Variants in DNTTIP1 observed in about 807,000 individuals in gnomAD.
DNTTIP1 encodes the protein deoxynucleotidyltransferase terminal interacting protein 1.
DNTTIP1 carries 22 observed loss-of-function variants against 52.9 expected under a neutral mutation model. That is an observed-to-expected ratio of 0.42 (90% CI 0.30 to 0.59). The LOEUF is 0.59. Ranked by LOEUF, DNTTIP1 falls within the 20% of genes least tolerant of loss-of-function variation. DNTTIP1 has a pLI of 0.22. For synonymous variants in DNTTIP1, 136 were observed against 155.1 expected (o/e 0.88, Z 0.92); for missense variants, 286 against 435.5 (o/e 0.66, Z 3.06).
intron 10 of DNTTIP1, among the ~76,000 whole-genome samples, chr20:45,806,865 T>G (rs1162451936): frequency 6.6e-6 from 1 of 152,198 alleles, no homozygotes; most frequent in Non-Finnish European, 1.5e-5. Context: ...TTCTTTAAGA[T>G]CCACCTCCTC....
rs1045017491 is a variant in DNTTIP1 at position 45,809,791 on chromosome 20, A to G, written c.795+606A>G. Among the ~76,000 whole-genome samples, 4 of 152,330 alleles carry G rather than the reference A, an allele frequency of 2.6e-5. No individual in the cohort carries two copies. Among genetic ancestry groups the G allele is most frequent in the Non-Finnish European group, 5.9e-5 (4 of 68,022 alleles). On this transcript the variant is annotated intron_variant, in intron 11 of 12. Coordinates refer to ENST00000372622, the MANE Select transcript of DNTTIP1 (RefSeq NM_052951.3). The surrounding 1 kb of genome is among the most constrained non-coding windows in gnomAD (Gnocchi z 4.2). The stretch of plus-strand genomic sequence containing the variant: ...CTGAGGACTCACTCACTCCCACCAC[A>G]GGTACTGCTCCTTTTAGAATCTAAG...
In DNTTIP1 at chr20:45,792,667, G is replaced by A. The variant is rs1274235772; in HGVS notation, c.106-10G>A. 4 of 1,593,096 alleles carry A rather than the reference G, an allele frequency of 2.5e-6. No individual in the cohort carries two copies. In the African/African-American group the frequency reaches 5.4e-5, roughly 22 times the overall value. The stretch of plus-strand genomic sequence containing the variant: ...GGCCGCAGTGACATTTGTTCCGTTG[G>A]TCCCCACAGAACCCTTGGAACATAA... On this transcript the variant is annotated splice_polypyrimidine_tract_variant and intron_variant, in intron 1 of 12. Coordinates refer to ENST00000372622, the MANE Select transcript of DNTTIP1 (RefSeq NM_052951.3).
intron 10 of DNTTIP1, among the ~76,000 whole-genome samples, chr20:45,805,922 A>T (rs1341566615): frequency 6.6e-6 from 1 of 152,004 alleles, no homozygotes; most frequent in African/African-American, 2.4e-5. Flanking sequence ...TGTCTCTACT[A>T]AAAATACAAA....
At chr20:45,792,559 A>G in intron 1 of DNTTIP1, 118 bp from the exon 2 acceptor site, 1 of 740,926 alleles carries the variant, frequency 1.3e-6, no homozygotes, top group Non-Finnish European at 2.2e-6. Flanking sequence ...AAGGCGGGAG[A>G]GATGGTGACG....
chr20:45,811,291 A>T lies in DNTTIP1; in HGVS notation c.*96A>T. 7.1e-7 allele frequency: 1 copy of T among 1,410,822 alleles called. No homozygotes were observed. The highest frequency in any genetic ancestry group is 1.4e-5 in the South Asian group (1 of 71,466). 87.4% of individuals were successfully genotyped at this position (1,410,822 alleles called of 1,614,324 possible). On this transcript the variant is annotated 3_prime_UTR_variant, in exon 13 of 13. Transcript: ENST00000372622. ...CTGGGACTGCTCCTAGATGGATCTC[A>T]GCGGCATTAAGCTGTGCCTGAGCGA... is the stretch of plus-strand genomic sequence containing the variant.
intron 5 of DNTTIP1, 33 bp from the exon 6 acceptor site, chr20:45,801,369 G>A (rs1981463366): frequency 6.2e-7 from 1 of 1,613,070 alleles, no homozygotes; most frequent in Non-Finnish European, 8.5e-7. Context: ...CCAGGCACTG[G>A]CCTTCCACTG....
In DNTTIP1 at chr20:45,800,666, C is replaced by T. The variant is rs1281116171; in HGVS notation, c.373-408C>T. Among the ~76,000 whole-genome samples the T allele has an allele frequency of 2.9e-5, 3 of 103,746 alleles. No homozygotes were observed. In the East Asian group the frequency reaches 8.0e-4, roughly 28 times the overall value. The allele number at this position is 103,746 out of a possible 152,430, so 68.1% of individuals were successfully genotyped here. ...TCCAGCCTGGGCGACAAGAGTGAAA[C>T]TCCATCTCAATTTAAAAAAAAAAAA... On this transcript the variant is annotated intron_variant, in intron 4 of 12. Coordinates refer to ENST00000372622, the MANE Select transcript of DNTTIP1 (RefSeq NM_052951.3).
intron 4 of DNTTIP1, 75 bp from the exon 5 acceptor site, chr20:45,800,999 A>C: frequency 7.5e-7 from 1 of 1,330,180 alleles, no homozygotes; most frequent in South Asian, 1.2e-5. Flanking sequence ...GTCTCCAAAA[A>C]AAAAAAAGGA....
intron 4 of DNTTIP1, among the ~76,000 whole-genome samples, chr20:45,797,056 T>C (rs1981264303): frequency 6.6e-6 from 1 of 152,210 alleles, no homozygotes; most frequent in African/African-American, 2.4e-5. Context: ...TGGAAGCCAA[T>C]TCAGCCGCTC....
chr20:45,810,822 A>G, intron 11 of DNTTIP1, 63 bp from the exon 12 acceptor site: 1 of 1,459,722 alleles, frequency 6.9e-7, no homozygotes, highest in Non-Finnish European at 9.6e-7. Context: ...TGTTTAATGA[A>G]GTGTTACTGA....
In DNTTIP1 at chr20:45,809,937, C is replaced by T. The variant is rs1245733802; in HGVS notation, c.795+752C>T. Among the ~76,000 whole-genome samples, 1 of 151,304 alleles carries T rather than the reference C, an allele frequency of 6.6e-6. No individual in the cohort carries two copies. Among genetic ancestry groups the T allele is most frequent in the African/African-American group, 2.4e-5 (1 of 41,086 alleles). On this transcript the variant is annotated intron_variant, in intron 11 of 12. Coordinates refer to ENST00000372622, the MANE Select transcript of DNTTIP1 (RefSeq NM_052951.3). The surrounding 1 kb of genome is among the most constrained non-coding windows in gnomAD (Gnocchi z 4.2). ...AAAGATTTCAGGTAAGCTTCATGCA[C>T]ATAAAATGCAACATTACATAAATAA...
At chr20:45,810,259 GT>G (rs1262432318) in intron 11 of DNTTIP1, among the ~76,000 whole-genome samples, 2 of 152,134 alleles carry the variant, frequency 1.3e-5, no homozygotes, top group East Asian at 3.8e-4. Context: ...TATATGTTAA[GT>G]TCACAAAAGG....
At position 45,809,116 on chromosome 20, in the gene DNTTIP1, T is replaced by C. The variant is rs1981743503; in HGVS notation, c.726T>C (p.Tyr242=). 2 of 1,614,100 alleles carry C rather than the reference T, an allele frequency of 1.2e-6. No individual in the cohort carries two copies. Among genetic ancestry groups the C allele is most frequent in the East Asian group, 2.2e-5 (1 of 44,892 alleles). Reference sequence around the variant, plus strand: ...TCTTACAACTTCATTCCTTACAGTATGCAGCTGACCCCCAGGATAAGCACT... The same window carrying C: ...TCTTACAACTTCATTCCTTACAGTACGCAGCTGACCCCCAGGATAAGCACT... The part of the protein sequence containing the change: ...IYIKHPHLFK[Y]AADPQDKHWL... The change falls in exon 11 of 13, where the codon TAT becomes TAC. Residue 242 remains tyrosine (Y), a splice_region_variant and synonymous_variant. Coordinates refer to ENST00000372622, the MANE Select transcript of DNTTIP1 (RefSeq NM_052951.3). This position sits in a 1 kb window ranked among gnomAD's most constrained non-coding sequence, Gnocchi z 4.2.
intron 11 of DNTTIP1, among the ~76,000 whole-genome samples, chr20:45,810,351 G>A (rs1409680998): frequency 3.3e-5 from 5 of 152,192 alleles, no homozygotes; most frequent in African/African-American, 1.2e-4. Context: ...TTACTAGACA[G>A]CAGAGCAGTT....
At chr20:45,800,969 G>C (rs190261548) in intron 4 of DNTTIP1, 105 bp from the exon 5 acceptor site, 1 of 954,992 alleles carries the variant, frequency 1.0e-6, no homozygotes, top group Non-Finnish European at 1.7e-6. Flanking sequence ...ACTCCAGCCT[G>C]AGCAACAGAG....
intron 10 of DNTTIP1, among the ~76,000 whole-genome samples, chr20:45,807,779 T>C (rs1248230117): frequency 6.6e-6 from 1 of 151,790 alleles, no homozygotes; most frequent in African/African-American, 2.4e-5. Flanking sequence ...AAACCCCATC[T>C]CTACTAAAAG....
intron 11 of DNTTIP1, among the ~76,000 whole-genome samples, chr20:45,810,099 TG>T (rs1413573028): frequency 6.6e-6 from 1 of 152,150 alleles, no homozygotes; most frequent in East Asian, 1.9e-4. Context: ...CAAATTCAGC[TG>T]TAGGCCCCAC....
intron 4 of DNTTIP1, chr20:45,796,495 A>G (rs772831309): frequency 7.9e-5 from 37 of 470,864 alleles, no homozygotes; most frequent in Non-Finnish European, 1.4e-4. Flanking sequence ...CCCATTTGGT[A>G]TCATGGGGAT....
intron 9 of DNTTIP1, 35 bp from the exon 10 acceptor site, chr20:45,805,271 T>C (rs771830601): frequency 2.5e-6 from 4 of 1,614,032 alleles, no homozygotes; most frequent in Non-Finnish European, 3.4e-6. Flanking sequence ...GACTACACTT[T>C]CTGGAATCTT....
Sources: allele counts gnomAD v4.1 joint callset (sites outside exome capture counted in the v4.1 genomes callset), GRCh38; gene constraint gnomAD v4.1.1; non-coding constraint Gnocchi (gnomAD v3.1); transcripts MANE v1.5; gene names NCBI Gene and HGNC (gene_info 2026-07-23, HGNC 2026-07-21).